PDE4D: variants seen among roughly 807,000 people sequenced by gnomAD.
The protein encoded by PDE4D is 3',5'-cyclic-AMP phosphodiesterase 4D.
In PDE4D, 24 loss-of-function variants were observed where a neutral mutation model predicts 87.4. That is an observed-to-expected ratio of 0.27 (90% confidence interval 0.20 to 0.39). The LOEUF (loss-of-function observed/expected upper bound fraction) is 0.39. PDE4D is among the 10% of genes least tolerant of loss of function. The probability of loss-of-function intolerance (pLI) is 1.00; values close to 1 mark genes in which losing one functional copy is unlikely to be tolerated. For missense variants in PDE4D, 714 were observed against 1,041.0 expected (o/e 0.69, Z 4.32); for synonymous variants, 384 against 383.2 (o/e 1.00, Z -0.02).
At chr5:60,259,854 C>A (rs901320938) in intron 1 of PDE4D, among the ~76,000 whole-genome samples, 1 of 151,952 alleles carries the variant, frequency 6.6e-6, no homozygotes, top group Non-Finnish European at 1.5e-5. Flanking sequence ...GAGTGACCTC[C>A]TGGGTGTTTT....
rs532971584 is a variant in PDE4D, at chr5:59,057,718, A to T, written c.809-18747T>A. On this transcript the variant is annotated intron_variant, in intron 5 of 14. Coordinates refer to ENST00000340635, the MANE Select transcript of PDE4D (RefSeq NM_001104631.2). Reference sequence around the variant, plus strand: ...CAAACCTTTTTAGCCCAGACATCCTAAATCTCTGTAGCTTGTCTTCGCTGA... The same window carrying T: ...CAAACCTTTTTAGCCCAGACATCCTTAATCTCTGTAGCTTGTCTTCGCTGA... Among the ~76,000 whole-genome samples, 7 of 152,306 alleles carry T rather than the reference A, an allele frequency of 4.6e-5. No individual in the cohort carries two copies. The South Asian group carries it at 1.5e-3, about 32-fold the overall frequency.
chr5:59,976,458 C>T (rs950518515), intron 3 of PDE4D, among the ~76,000 whole-genome samples: 12 of 152,032 alleles, frequency 7.9e-5, no homozygotes, highest in Middle Eastern at 3.2e-3. Flanking sequence ...ATGGCACCTG[C>T]CCCCTCTCTT....
intron 1 of PDE4D, among the ~76,000 whole-genome samples, chr5:59,295,008 T>C (rs1415480997): frequency 6.6e-6 from 1 of 152,160 alleles, no homozygotes; most frequent in Non-Finnish European, 1.5e-5. Flanking sequence ...TCCATGGAGT[T>C]TCAGATACTG....
intron 1 of PDE4D, among the ~76,000 whole-genome samples, chr5:60,237,840 C>T (rs1336622267): frequency 6.6e-6 from 1 of 151,794 alleles, no homozygotes; most frequent in East Asian, 1.9e-4. Context: ...GTGAATGGTA[C>T]ACAGGACATA....
At chr5:59,219,793 T>C (rs1752061293) in intron 1 of PDE4D, among the ~76,000 whole-genome samples, 1 of 152,100 alleles carries the variant, frequency 6.6e-6, no homozygotes, top group Non-Finnish European at 1.5e-5. Context: ...ACAATGAATG[T>C]AAAGGGAATT....
rs146339098 is a variant in PDE4D, at chr5:59,515,201, A to C, written c.456-299233T>G. 2.0e-5 allele frequency among the ~76,000 whole-genome samples: 3 copies of C among 152,350 alleles called. No homozygotes were observed. The East Asian group carries it at 5.8e-4, about 29-fold the overall frequency. Reference sequence around the variant, plus strand: ...CAAAGATATCTAATCTTGATGGTGAAATGTGGAAGCATGCTCTTTAATTGT... The same window carrying C: ...CAAAGATATCTAATCTTGATGGTGACATGTGGAAGCATGCTCTTTAATTGT... On this transcript the variant is annotated intron_variant, in intron 1 of 14. Coordinates refer to ENST00000340635, the MANE Select transcript of PDE4D (RefSeq NM_001104631.2).
chr5:60,391,681 G>C (rs1489670014), intron 1 of PDE4D, among the ~76,000 whole-genome samples: 2 of 152,066 alleles, frequency 1.3e-5, no homozygotes, highest in Non-Finnish European at 2.9e-5. Context: ...GGATAATCCA[G>C]GATAATCTCC....
intron 1 of PDE4D, among the ~76,000 whole-genome samples, chr5:60,223,294 A>G (rs115625955): frequency 0.014 from 2,128 of 152,258 alleles, 19 homozygotes; most frequent in Non-Finnish European, 0.021. Context: ...AACAGTATAA[A>G]CATACCTATC....
chr5:59,470,340 G>A (rs1017989545), intron 1 of PDE4D, among the ~76,000 whole-genome samples: 2 of 152,060 alleles, frequency 1.3e-5, no homozygotes, highest in African/African-American at 4.8e-5. Context: ...ATTGGTCTGT[G>A]CCACTAACCA....
chr5:60,063,364 G>T (rs35265720), intron 2 of PDE4D, among the ~76,000 whole-genome samples: 21,050 of 152,016 alleles, frequency 0.14, 1,503 homozygotes, highest in Middle Eastern at 0.22. Flanking sequence ...AAAAGGTGTG[G>T]GAAGTAGCAT....
At chr5:60,318,680 G>A (rs571285716) in intron 1 of PDE4D, among the ~76,000 whole-genome samples, 2 of 151,986 alleles carry the variant, frequency 1.3e-5, no homozygotes, top group African/African-American at 4.8e-5. Flanking sequence ...GGCAGCCCTG[G>A]TGGTGACAAA....
chr5:60,157,483 G>A (rs1782078415), intron 2 of PDE4D, among the ~76,000 whole-genome samples: 1 of 152,118 alleles, frequency 6.6e-6, no homozygotes, highest in Admixed American at 6.6e-5. Context: ...AAATAAAGCA[G>A]GTGAAGATTT....
intron 1 of PDE4D, among the ~76,000 whole-genome samples, chr5:60,495,838 G>T (rs1330314968): frequency 4.6e-5 from 7 of 152,174 alleles, no homozygotes; most frequent in African/African-American, 1.4e-4. Flanking sequence ...TTACACAGGG[G>T]TATCTGAAAT....
intron 3 of PDE4D, among the ~76,000 whole-genome samples, chr5:59,969,274 T>C (rs893938372): frequency 3.3e-5 from 5 of 152,162 alleles, no homozygotes. Flanking sequence ...AGAATGGCTT[T>C]TGTAGATCCT....
At chr5:59,935,920 T>C (rs1007149370) in intron 3 of PDE4D, among the ~76,000 whole-genome samples, 4 of 152,236 alleles carry the variant, frequency 2.6e-5, no homozygotes, top group African/African-American at 9.6e-5. Flanking sequence ...TAAACATACC[T>C]GTGCATGTGT....
chr5:60,276,459 T>C (rs571323402), intron 1 of PDE4D, among the ~76,000 whole-genome samples: 1 of 152,286 alleles, frequency 6.6e-6, no homozygotes, highest in South Asian at 2.1e-4. Flanking sequence ...TAACAGGGTG[T>C]GTAAATAGAC....
At position 59,574,046 on chromosome 5, in the gene PDE4D, ATATT is replaced by A. The variant is rs1277363282; in HGVS notation, c.455+319118_455+319121del. ...TATATATAAAAATATATATTTATAT[ATATT>A]TATATATAAAAATATATATATTTAT... On this transcript the variant is annotated intron_variant, in intron 1 of 14. Coordinates refer to ENST00000340635, the MANE Select transcript of PDE4D (RefSeq NM_001104631.2). Among the ~76,000 whole-genome samples, 199 of 100,330 alleles carry A rather than the reference ATATT, an allele frequency of 2.0e-3. 4 individuals carry two copies. The highest frequency in any genetic ancestry group is 8.0e-3 in the African/African-American group (188 of 23,542). The allele number at this position is 100,330 out of a possible 152,430, so 65.8% of individuals were successfully genotyped here.
intron 2 of PDE4D, among the ~76,000 whole-genome samples, chr5:60,139,690 C>T (rs916576270): frequency 2.6e-5 from 4 of 151,952 alleles, no homozygotes; most frequent in African/African-American, 7.2e-5. Flanking sequence ...TATCTAGGTT[C>T]AGATAGGTCT....
intron 1 of PDE4D, among the ~76,000 whole-genome samples, chr5:60,416,385 C>T (rs1742561003): frequency 6.6e-6 from 1 of 152,204 alleles, no homozygotes; most frequent in Non-Finnish European, 1.5e-5. Flanking sequence ...AATCTTGCTG[C>T]TGCTCACTCT....
Sources: allele counts gnomAD v4.1 joint callset (sites outside exome capture counted in the v4.1 genomes callset), GRCh38; gene constraint gnomAD v4.1.1; transcripts MANE v1.5; gene names NCBI Gene and HGNC (gene_info 2026-07-23, HGNC 2026-07-21).